The following FAT3 variants were observed in gnomAD, a reference collection of about 807,000 sequenced individuals.
FAT3 encodes the protein FAT atypical cadherin 3.
A neutral mutation model predicts 310.2 loss-of-function variants in FAT3; 95 were observed. The observed-to-expected ratio is 0.31, with a 90% CI of 0.26 to 0.36. The LOEUF is 0.36. FAT3 is among the 10% of genes least tolerant of loss of function. FAT3 has a pLI of 1.00. For missense variants in FAT3, 5,408 were observed against 5,715.6 expected (o/e 0.95, Z 1.74); for synonymous variants, 2,314 against 2,192.9 (o/e 1.06, Z -1.54).
rs776336210 is a variant in FAT3, at chr11:92,354,053, C to A, written c.1941C>A (p.Gly647=). ...KSLTNSGIKN[G]NFALRITATD... ...TGACAAATTCTGGCATTAAAAATGG[C>A]AATTTTGCCCTCAGAATTACAGCAA... Residue 647 remains glycine, a synonymous_variant, in exon 2 of 28, where the codon GGC becomes GGA. Transcript: ENST00000525166. 95 of 1,613,512 alleles carry A rather than the reference C, an allele frequency of 5.9e-5. No individual in the cohort carries two copies. Among genetic ancestry groups the A allele is most frequent in the Non-Finnish European group, 8.0e-5 (94 of 1,179,738 alleles).
chr11:92,842,938 CTAAG>C (rs1419263896), intron 18 of FAT3, among the ~76,000 whole-genome samples: 2 of 152,138 alleles, frequency 1.3e-5, no homozygotes, highest in Non-Finnish European at 2.9e-5. Flanking sequence ...ACATCAAGTA[CTAAG>C]TGTGTCTATG....
chr11:92,388,496 C>T (rs1238788043), intron 2 of FAT3, among the ~76,000 whole-genome samples: 1 of 152,086 alleles, frequency 6.6e-6, no homozygotes, highest in African/African-American at 2.4e-5. Flanking sequence ...TAATTTAATT[C>T]TTAATTGTTC....
chr11:92,391,012 G>A (rs1949735132), intron 2 of FAT3, among the ~76,000 whole-genome samples: 1 of 152,114 alleles, frequency 6.6e-6, no homozygotes, highest in Admixed American at 6.5e-5. Context: ...CTGTTGATTT[G>A]TGTGACTTGA....
chr11:92,559,234 C>T (rs2135463111), intron 3 of FAT3, among the ~76,000 whole-genome samples: 1 of 152,094 alleles, frequency 6.6e-6, no homozygotes, highest in East Asian at 1.9e-4. Flanking sequence ...GTTGTGCAAC[C>T]TTCACCACAA....
rs2136446797 is a variant in FAT3, at chr11:92,890,801, C to T, written c.13458C>T (p.Pro4486=). The T allele has an allele frequency of 6.2e-7, 1 of 1,613,658 alleles. No individual in the cohort carries two copies. The highest frequency in any genetic ancestry group is 8.5e-7 in the Non-Finnish European group (1 of 1,179,840). Residue 4486 remains proline, a synonymous_variant, in exon 28 of 28, where the codon CCC becomes CCT. Coordinates refer to ENST00000525166, the MANE Select transcript of FAT3 (RefSeq NM_001367949.2). The part of the protein sequence containing the change: ...STLSPDCRRR[P]QFHPSQYLPP... Reference sequence around the variant, plus strand: ...TGAGCCCAGACTGCAGGAGAAGGCCCCAGTTTCATCCTAGCCAGTATCTCC... The same window carrying T: ...TGAGCCCAGACTGCAGGAGAAGGCCTCAGTTTCATCCTAGCCAGTATCTCC...
In FAT3 at chr11:92,799,619, C is replaced by A. The variant is rs1482584437; in HGVS notation, c.6606C>A (p.Asn2202Lys). Reference sequence around the variant, plus strand: ...CTGTCAATGAAGACATCAGAATGAACACACCCATCCTAAGCATCAATGCCA... The same window carrying A: ...CTGTCAATGAAGACATCAGAATGAAAACACCCATCCTAAGCATCAATGCCA... ...TASVNEDIRM[N>K]TPILSINATS... The change falls in exon 10 of 28, where the codon AAC becomes AAA. Residue 2202 changes from asparagine (N) to lysine (K), a missense_variant. Coordinates refer to ENST00000525166, the MANE Select transcript of FAT3 (RefSeq NM_001367949.2). The A allele has an allele frequency of 1.2e-6, 2 of 1,613,792 alleles. No homozygotes were observed. The highest frequency in any genetic ancestry group is 1.1e-5 in the South Asian group (1 of 91,050).
chr11:92,231,648 A>G (rs1163469725), intron 1 of FAT3, among the ~76,000 whole-genome samples: 2 of 152,222 alleles, frequency 1.3e-5, no homozygotes, highest in Admixed American at 1.3e-4. Flanking sequence ...ACTCTGGAGC[A>G]GCTATTGATG....
At chr11:92,398,575 A>G (rs1265289796) in intron 2 of FAT3, among the ~76,000 whole-genome samples, 1 of 151,130 alleles carries the variant, frequency 6.6e-6, no homozygotes, top group Non-Finnish European at 1.5e-5. Context: ...CCACCCTATT[A>G]ATTTTATTTT....
intron 16 of FAT3, among the ~76,000 whole-genome samples, 192 bp downstream of exon 16, chr11:92,836,895 T>C (rs1008669496): frequency 3.3e-5 from 5 of 152,170 alleles, no homozygotes; most frequent in Non-Finnish European, 7.4e-5. Flanking sequence ...TAATAGATGC[T>C]GGTTATGGAG....
intron 3 of FAT3, among the ~76,000 whole-genome samples, chr11:92,594,332 A>G (rs2135567982): frequency 6.6e-6 from 1 of 152,244 alleles, no homozygotes; most frequent in African/African-American, 2.4e-5. Flanking sequence ...AATCCCAGCT[A>G]CTCAGGAGGC....
At chr11:92,330,032 T>A (rs1468247403) in intron 1 of FAT3, among the ~76,000 whole-genome samples, 1 of 152,080 alleles carries the variant, frequency 6.6e-6, no homozygotes, top group Non-Finnish European at 1.5e-5. Context: ...AAAGTGAAGG[T>A]TGCAACACTT....
chr11:92,588,566 A>G (rs781432928), intron 3 of FAT3, among the ~76,000 whole-genome samples: 4 of 152,086 alleles, frequency 2.6e-5, no homozygotes, highest in Non-Finnish European at 4.4e-5. Context: ...TGCCCTACTG[A>G]CATTAATTAA....
intron 3 of FAT3, among the ~76,000 whole-genome samples, chr11:92,668,979 T>C (rs547761201): frequency 4.6e-5 from 7 of 152,310 alleles, no homozygotes; most frequent in African/African-American, 1.2e-4. Flanking sequence ...ACTTAGACAA[T>C]AGCACCAAAG....
At chr11:92,547,669 G>C (rs1049447418) in intron 3 of FAT3, among the ~76,000 whole-genome samples, 1 of 152,162 alleles carries the variant, frequency 6.6e-6, no homozygotes, top group Non-Finnish European at 1.5e-5. Context: ...ATGCATGTAT[G>C]TAGAGACCCC....
At chr11:92,387,315 T>C (rs1466004105) in intron 2 of FAT3, among the ~76,000 whole-genome samples, 2 of 152,008 alleles carry the variant, frequency 1.3e-5, no homozygotes, top group Non-Finnish European at 2.9e-5. Context: ...TTTCTTTTAG[T>C]GGTGAGTGGG....
chr11:92,783,075 G>A (rs1452050714), intron 7 of FAT3, among the ~76,000 whole-genome samples: 1 of 152,154 alleles, frequency 6.6e-6, no homozygotes, highest in Non-Finnish European at 1.5e-5. Flanking sequence ...AAAGGCAGTG[G>A]CTTGCCGGGT....
intron 2 of FAT3, among the ~76,000 whole-genome samples, chr11:92,411,654 G>A (rs11019946): frequency 0.078 from 11,806 of 152,092 alleles, 674 homozygotes; most frequent in African/African-American, 0.15. Flanking sequence ...GGGAGGGGCC[G>A]ACAGAATAGG....
At chr11:92,539,064 A>G (rs1346060985) in intron 3 of FAT3, among the ~76,000 whole-genome samples, 2 of 152,180 alleles carry the variant, frequency 1.3e-5, no homozygotes, top group Non-Finnish European at 1.5e-5. Context: ...TCTTCTTTGT[A>G]AAATTTCCTA....
intron 4 of FAT3, among the ~76,000 whole-genome samples, chr11:92,705,574 G>GGT (rs1565527107): frequency 8.3e-5 from 1 of 11,992 alleles, no homozygotes; most frequent in Non-Finnish European, 1.8e-4. Flanking sequence ...TGGTGGTGGT[G>GGT]GTGATGGTGG....
Sources: gnomAD v4.1 joint callset for allele counts (sites outside exome capture counted in the v4.1 genomes callset) on GRCh38, gnomAD v4.1.1 for gene constraint, MANE v1.5 for transcripts, NCBI Gene and HGNC (gene_info 2026-07-23, HGNC 2026-07-21) for gene names.